The following SPATA6 variants were observed in gnomAD, a reference collection of about 807,000 sequenced individuals.
The protein encoded by SPATA6 is spermatogenesis-associated protein 6.
In SPATA6, 56 loss-of-function variants were observed where a neutral mutation model predicts 65.3. That is an observed-to-expected ratio of 0.86 (90% CI 0.69 to 1.07). SPATA6 has a LOEUF of 1.07. SPATA6 is among the 50% of genes least tolerant of loss of function. SPATA6 has a pLI of 0.00. For synonymous variants in SPATA6, 199 were observed against 213.2 expected (o/e 0.93, Z 0.58); for missense variants, 590 against 594.8 (o/e 0.99, Z 0.08).
At chr1:48,431,423 C>T (rs914283213) in intron 3 of SPATA6, among the ~76,000 whole-genome samples, 2 of 152,144 alleles carry the variant, frequency 1.3e-5, no homozygotes, top group East Asian at 3.9e-4. Context: ...AACCAAATAG[C>T]TCTAACAGAT....
the SPATA6 span, among the ~76,000 whole-genome samples, chr1:48,285,477 GAAAAA>G: frequency 7.8e-6 from 1 of 127,764 alleles, no homozygotes; most frequent in African/African-American, 3.0e-5. Context: ...ACTGGGGTAT[GAAAAA>G]AAAAAAAAAA....
intron 9 of SPATA6, among the ~76,000 whole-genome samples, chr1:48,364,848 G>T (rs1172405127): frequency 6.6e-6 from 1 of 152,170 alleles, no homozygotes; most frequent in East Asian, 1.9e-4. Flanking sequence ...ACCGCTTTTG[G>T]TGTTTTAGAC....
At chr1:48,399,883 T>C (rs1045362679) in intron 6 of SPATA6, among the ~76,000 whole-genome samples, 1 of 151,864 alleles carries the variant, frequency 6.6e-6, no homozygotes, top group African/African-American at 2.4e-5. Context: ...ACAAGGACTT[T>C]ATAAAAATTA....
chr1:48,419,957 C>A (rs772606329), intron 3 of SPATA6, among the ~76,000 whole-genome samples: 23 of 152,142 alleles, frequency 1.5e-4, no homozygotes, highest in Non-Finnish European at 2.8e-4. Flanking sequence ...CTTCATCCCC[C>A]TCCAAAGGAC....
At chr1:48,423,884 T>C (rs555893061) in intron 3 of SPATA6, among the ~76,000 whole-genome samples, 1 of 152,172 alleles carries the variant, frequency 6.6e-6, no homozygotes, top group East Asian at 1.9e-4. Context: ...ACATACATAG[T>C]ACATGTATAT....
intron 12 of SPATA6, among the ~76,000 whole-genome samples, chr1:48,303,430 T>C (rs928352419): frequency 6.6e-6 from 1 of 152,054 alleles, no homozygotes; most frequent in Non-Finnish European, 1.5e-5. Context: ...CTCTATTCCC[T>C]CCTCCCCTTC....
At chr1:48,271,968 T>G in the SPATA6 span, among the ~76,000 whole-genome samples, 1 of 152,152 alleles carries the variant, frequency 6.6e-6, no homozygotes, top group Admixed American at 6.6e-5. Context: ...CTGATTTATC[T>G]CACTCTCATG....
At chr1:48,292,625 T>C (rs535083385), downstream of SPATA6, among the ~76,000 whole-genome samples, 5 of 152,194 alleles carry the variant, frequency 3.3e-5, no homozygotes, top group African/African-American at 1.2e-4. Context: ...TGTGCAGCAG[T>C]GCAAACCACC....
intron 11 of SPATA6, among the ~76,000 whole-genome samples, chr1:48,351,686 T>C (rs1164195741): frequency 6.6e-6 from 1 of 152,088 alleles, no homozygotes; most frequent in Non-Finnish European, 1.5e-5. Context: ...TGCTAATATG[T>C]TGTTGGGAAT....
chr1:48,439,490 G>A (rs1214043244), intron 3 of SPATA6, among the ~76,000 whole-genome samples: 1 of 151,938 alleles, frequency 6.6e-6, no homozygotes, highest in Non-Finnish European at 1.5e-5. Context: ...GATTTCTGCT[G>A]CTGCATCAGT....
chr1:48,369,049 T>A (rs184028860), intron 9 of SPATA6, among the ~76,000 whole-genome samples: 1 of 152,354 alleles, frequency 6.6e-6, no homozygotes, highest in Non-Finnish European at 1.5e-5. Flanking sequence ...TGGAGTTTGC[T>A]AGAGGTCCAC....
chr1:48,467,934 C>T (rs1042183480), intron 1 of SPATA6, among the ~76,000 whole-genome samples: 11 of 151,820 alleles, frequency 7.2e-5, no homozygotes, highest in African/African-American at 2.4e-4. Context: ...CCTTGTACAC[C>T]GTTGGTAGAA....
At chr1:48,426,929 CTTT>C (rs534847545) in intron 3 of SPATA6, among the ~76,000 whole-genome samples, 1 of 144,738 alleles carries the variant, frequency 6.9e-6, no homozygotes, top group African/African-American at 2.5e-5. Flanking sequence ...TCAGTTCAAT[CTTT>C]TTTTTTTTTA....
chr1:48,300,315 T>TA (rs1644907572), intron 12 of SPATA6, among the ~76,000 whole-genome samples: 1 of 152,114 alleles, frequency 6.6e-6, no homozygotes, highest in African/African-American at 2.4e-5. Flanking sequence ...CCAGGCCTGT[T>TA]AGAGATTGTA....
At chr1:48,438,575 C>A (rs1655163583) in intron 3 of SPATA6, among the ~76,000 whole-genome samples, 1 of 152,124 alleles carries the variant, frequency 6.6e-6, no homozygotes, top group Non-Finnish European at 1.5e-5. Context: ...AGGGTCCTGA[C>A]AAAAAGTTGG....
chr1:48,292,118 T>C (rs553930801), downstream of SPATA6, among the ~76,000 whole-genome samples: 7 of 152,234 alleles, frequency 4.6e-5, no homozygotes, highest in Non-Finnish European at 1.0e-4. Context: ...CATAGTTTTC[T>C]GAATTTTCAT....
intron 7 of SPATA6, among the ~76,000 whole-genome samples, chr1:48,398,638 G>A (rs1420541274): frequency 6.6e-6 from 1 of 151,686 alleles, no homozygotes; most frequent in East Asian, 1.9e-4. Flanking sequence ...GTAAAGAATT[G>A]CTTTTAAGGT....
chr1:48,310,262 C>G (rs1000194765), intron 11 of SPATA6, among the ~76,000 whole-genome samples: 2 of 152,206 alleles, frequency 1.3e-5, no homozygotes, highest in Non-Finnish European at 2.9e-5. Context: ...GTCTTCCAGG[C>G]AATCTCCAGC....
intron 11 of SPATA6, among the ~76,000 whole-genome samples, chr1:48,348,668 C>A (rs918212042): frequency 2.0e-5 from 3 of 152,052 alleles, no homozygotes; most frequent in African/African-American, 4.8e-5. Context: ...GGTGTGCTCA[C>A]TGCTATTGTC....
Sources: allele counts gnomAD v4.1 joint callset (sites outside exome capture counted in the v4.1 genomes callset), GRCh38; gene constraint gnomAD v4.1.1; transcripts MANE v1.5; gene names NCBI Gene and HGNC (gene_info 2026-07-23, HGNC 2026-07-21).